DPP10: variants seen among roughly 807,000 people sequenced by gnomAD.
DPP10 encodes the protein dipeptidyl peptidase like 10, also known as inactive dipeptidyl peptidase 10.
Under a neutral mutation model 120.9 loss-of-function variants are expected in DPP10, and 33 were observed. The ratio of observed to expected loss-of-function variants is 0.27; its 90% CI spans 0.21 to 0.37. DPP10 has a LOEUF of 0.37. Among genes scored for constraint, DPP10 ranks in the 10% least tolerant of loss-of-function variants. The pLI is 1.00. For missense variants in DPP10, 816 were observed against 942.8 expected (o/e 0.87, Z 1.76); for synonymous variants, 337 against 326.1 (o/e 1.03, Z -0.36).
At chr2:114,818,925 T>C (rs965411083) in intron 1 of DPP10, among the ~76,000 whole-genome samples, 3 of 152,196 alleles carry the variant, frequency 2.0e-5, no homozygotes, top group Non-Finnish European at 2.9e-5. Flanking sequence ...CAAGCAACTA[T>C]ATGTTGAACT....
chr2:114,956,329 A>C (rs960826459), intron 1 of DPP10, among the ~76,000 whole-genome samples: 9 of 151,548 alleles, frequency 5.9e-5, no homozygotes, highest in African/African-American at 1.9e-4. Flanking sequence ...TAAGAAATCT[A>C]TCCCATTTAC....
At chr2:115,698,071 G>A (rs896249076) in intron 7 of DPP10, among the ~76,000 whole-genome samples, 18 of 152,214 alleles carry the variant, frequency 1.2e-4, no homozygotes, top group East Asian at 3.9e-4. Context: ...CAGCGTACAC[G>A]TTCTTTCACG....
At chr2:115,046,607 G>GTTAA (rs1705091850) in intron 1 of DPP10, among the ~76,000 whole-genome samples, 2 of 152,132 alleles carry the variant, frequency 1.3e-5, no homozygotes, top group Admixed American at 6.6e-5. Context: ...ACTTTGAATA[G>GTTAA]TTAATGCTTG....
chr2:115,280,927 T>G (rs2060132625), intron 1 of DPP10, among the ~76,000 whole-genome samples: 1 of 152,214 alleles, frequency 6.6e-6, no homozygotes, highest in Non-Finnish European at 1.5e-5. Flanking sequence ...AAGCTATCAT[T>G]GAAATAGCTG....
chr2:115,503,083 T>C (rs1575036594), intron 4 of DPP10, among the ~76,000 whole-genome samples: 1 of 152,106 alleles, frequency 6.6e-6, no homozygotes, highest in Non-Finnish European at 1.5e-5. Context: ...TCTGAAACTC[T>C]GTAAGCCTAT....
intron 1 of DPP10, among the ~76,000 whole-genome samples, chr2:114,857,874 T>C (rs991248843): frequency 6.6e-6 from 1 of 152,200 alleles, no homozygotes; most frequent in African/African-American, 2.4e-5. Flanking sequence ...CCACCCTAGG[T>C]TGATAGCACA....
chr2:115,216,530 T>TCCAAGCA (rs2056830309), intron 1 of DPP10, among the ~76,000 whole-genome samples: 1 of 152,112 alleles, frequency 6.6e-6, no homozygotes, highest in East Asian at 1.9e-4. Context: ...GTGCCTGTAA[T>TCCAAGCA]CCAAGCACTT....
intron 1 of DPP10, among the ~76,000 whole-genome samples, chr2:114,994,885 C>G (rs1382843590): frequency 6.6e-6 from 1 of 152,188 alleles, no homozygotes; most frequent in East Asian, 1.9e-4. Flanking sequence ...TAATATTGCA[C>G]TTGCCATACT....
intron 2 of DPP10, 94 bp from the exon 3 acceptor site, chr2:115,343,723 A>G (rs1230754069): frequency 2.5e-5 from 19 of 767,978 alleles, no homozygotes; most frequent in Non-Finnish European, 4.2e-6. Flanking sequence ...TGTAGTTAAT[A>G]TATTTTAGAG....
chr2:114,595,608 T>TTGG (rs1691841948), intron 1 of DPP10, among the ~76,000 whole-genome samples: 2 of 152,060 alleles, frequency 1.3e-5, no homozygotes, highest in Non-Finnish European at 2.9e-5. Context: ...TCACACATGG[T>TTGG]AAAAAGCCAA....
chr2:115,361,944 C>T (rs1323332555), intron 3 of DPP10, among the ~76,000 whole-genome samples: 2 of 151,862 alleles, frequency 1.3e-5, no homozygotes, highest in African/African-American at 4.8e-5. Context: ...TCATATTAAC[C>T]TTTTAATTCA....
intron 17 of DPP10, among the ~76,000 whole-genome samples, chr2:115,787,149 A>G (rs1455122773): frequency 6.6e-6 from 1 of 152,246 alleles, no homozygotes; most frequent in East Asian, 1.9e-4. Flanking sequence ...AACAAAGTCC[A>G]ACAATTGTTA....
chr2:115,129,629 G>A (rs1048361620), intron 1 of DPP10, among the ~76,000 whole-genome samples: 12 of 152,020 alleles, frequency 7.9e-5, no homozygotes, highest in African/African-American at 2.2e-4. Context: ...AAACCATCAC[G>A]ATTTCTGTCA....
At chr2:114,744,921 C>A (rs1678433342) in intron 1 of DPP10, among the ~76,000 whole-genome samples, 1 of 152,168 alleles carries the variant, frequency 6.6e-6, no homozygotes, top group Non-Finnish European at 1.5e-5. Context: ...ATTACCACGT[C>A]TGGCCAATTT....
chr2:115,196,268 G>T (rs1301251101), intron 1 of DPP10, among the ~76,000 whole-genome samples: 1 of 152,174 alleles, frequency 6.6e-6, no homozygotes, highest in Admixed American at 6.5e-5. Flanking sequence ...ATTGGAGCAT[G>T]TTCCTCCGTC....
At chr2:115,612,543 C>T (rs929431942) in intron 5 of DPP10, among the ~76,000 whole-genome samples, 1 of 152,240 alleles carries the variant, frequency 6.6e-6, no homozygotes, top group South Asian at 2.1e-4. Context: ...GTATCTCCCT[C>T]GTTCTTACCA....
intron 1 of DPP10, among the ~76,000 whole-genome samples, chr2:115,108,238 T>TA (rs2049044683): frequency 6.6e-6 from 1 of 152,270 alleles, no homozygotes; most frequent in African/African-American, 2.4e-5. Context: ...GAGTAGAATT[T>TA]AAAAAATCAC....
chr2:114,831,244 T>C (rs1037877196), intron 1 of DPP10, among the ~76,000 whole-genome samples: 3 of 152,144 alleles, frequency 2.0e-5, no homozygotes, highest in Non-Finnish European at 4.4e-5. Flanking sequence ...AACATAACTT[T>C]AAAGATAGTT....
At chr2:114,631,958 T>C (rs1424090305) in intron 1 of DPP10, among the ~76,000 whole-genome samples, 2 of 152,356 alleles carry the variant, frequency 1.3e-5, no homozygotes, top group South Asian at 2.1e-4. Context: ...CGTTGCTTTT[T>C]ATTCCACTCC....
Sources: allele counts gnomAD v4.1 joint callset (sites outside exome capture counted in the v4.1 genomes callset), GRCh38; gene constraint gnomAD v4.1.1; transcripts MANE v1.5; gene names NCBI Gene and HGNC (gene_info 2026-07-23, HGNC 2026-07-21).